ROBO2: variants seen among roughly 807,000 people sequenced by gnomAD.
ROBO2 encodes the protein roundabout guidance receptor 2, also known as roundabout homolog 2.
A neutral mutation model predicts 160.8 loss-of-function variants in ROBO2; 53 were observed. The ratio of observed to expected loss-of-function variants is 0.33; its 90% CI spans 0.26 to 0.41. The LOEUF (loss-of-function observed/expected upper bound fraction) is 0.41. Among genes scored for constraint, ROBO2 ranks in the 10% least tolerant of loss-of-function variants. The probability of loss-of-function intolerance (pLI) is 1.00; values close to 1 mark genes in which losing one functional copy is unlikely to be tolerated. For missense variants in ROBO2, 1,577 were observed against 1,722.4 expected (o/e 0.92, Z 1.49); for synonymous variants, 664 against 611.7 (o/e 1.09, Z -1.26).
chr3:77,071,359 A>G (rs777511562), intron 1 of ROBO2, among the ~76,000 whole-genome samples: 14 of 152,236 alleles, frequency 9.2e-5, no homozygotes, highest in Non-Finnish European at 1.9e-4. Flanking sequence ...GCATTAAATT[A>G]AAATGAAACC....
intron 2 of ROBO2, among the ~76,000 whole-genome samples, chr3:76,442,910 T>C (rs2076991711): frequency 6.6e-6 from 1 of 152,208 alleles, no homozygotes; most frequent in African/African-American, 2.4e-5. Flanking sequence ...TTCAGCTTTT[T>C]CATAGGTAAA....
At chr3:77,210,627 G>A (rs2084009099) in intron 2 of ROBO2, among the ~76,000 whole-genome samples, 1 of 152,068 alleles carries the variant, frequency 6.6e-6, no homozygotes, top group Admixed American at 6.5e-5. Context: ...TAGGGTACAT[G>A]TGCACAACGT....
intron 2 of ROBO2, among the ~76,000 whole-genome samples, chr3:76,326,518 T>C (rs2073035370): frequency 1.3e-5 from 2 of 151,192 alleles, no homozygotes; most frequent in Non-Finnish European, 2.9e-5. Flanking sequence ...CATACATATA[T>C]GTATATTACA....
In ROBO2 at chr3:77,032,755, C is replaced by T. The variant is rs560427915; in HGVS notation, c.110-65259C>T. Among the ~76,000 whole-genome samples, 7 of 152,222 alleles carry T rather than the reference C, an allele frequency of 4.6e-5. No homozygotes were observed. In the East Asian group the frequency reaches 9.7e-4, roughly 21 times the overall value. On this transcript the variant is annotated intron_variant, in intron 2 of 26. Transcript: ENST00000487694. ...CATCCTGAAATTCATGCATTTTATC[C>T]GATGGCTCAGTGTTTTCTATTTGGC...
In ROBO2 at chr3:77,132,386, G is replaced by T. The variant is rs898549031; in HGVS notation, c.388+34046G>T. The stretch of plus-strand genomic sequence containing the variant: ...TTCCAACTCTCTCTGATTAATATGG[G>T]TTTTTTTTGGTGTAATATGTCAATT... On this transcript the variant is annotated intron_variant, in intron 2 of 25. Coordinates refer to ENST00000461745, the Ensembl canonical transcript of ROBO2. Among the ~76,000 whole-genome samples, 229 of 151,304 alleles carry T rather than the reference G, an allele frequency of 1.5e-3. 1 individual carries two copies. Among genetic ancestry groups the T allele is most frequent in the Non-Finnish European group, 2.2e-3 (146 of 67,696 alleles).
At chr3:76,297,194 G>A (rs1576305866) in intron 2 of ROBO2, among the ~76,000 whole-genome samples, 1 of 152,172 alleles carries the variant, frequency 6.6e-6, no homozygotes, top group South Asian at 2.1e-4. Flanking sequence ...AATGCAGACA[G>A]CTCTCCTTTT....
intron 2 of ROBO2, among the ~76,000 whole-genome samples, chr3:77,313,222 G>A (rs2063697898): frequency 6.6e-6 from 1 of 152,146 alleles, no homozygotes; most frequent in Middle Eastern, 3.4e-3. Context: ...AAGTTCAGTG[G>A]TTTTTCCATT....
At position 77,527,347 on chromosome 3, in the gene ROBO2, T is replaced by A. The variant is rs565511750; in HGVS notation, c.934+4445T>A. On this transcript the variant is annotated intron_variant, in intron 6 of 25. Transcript: ENST00000461745. ...ACATCATGCATTCTGATAATTTTTC[T>A]TTCTTTTTTTTAATTTCTTTTTTAT... 9.5e-6 allele frequency: 12 copies of A among 1,261,146 alleles called. No individual in the cohort carries two copies. The East Asian group carries it at 6.2e-4, about 65-fold the overall frequency. The allele number at this position is 1,261,146 out of a possible 1,614,324, so 78.1% of individuals were successfully genotyped here. A position where few individuals can be genotyped will look rare whatever the true frequency, so the allele number is the denominator to read the frequency against.
intron 1 of ROBO2, among the ~76,000 whole-genome samples, chr3:77,093,609 G>C (rs1010701111): frequency 6.6e-6 from 1 of 151,760 alleles, no homozygotes; most frequent in Non-Finnish European, 1.5e-5. Flanking sequence ...AAAGACTTAT[G>C]CATTGGGTCC....
chr3:76,888,948 T>C (rs1449656074), intron 2 of ROBO2, among the ~76,000 whole-genome samples: 1 of 152,248 alleles, frequency 6.6e-6, no homozygotes, highest in Non-Finnish European at 1.5e-5. Flanking sequence ...CTGGAGCTTG[T>C]AATCTCTCTC....
At chr3:77,631,425 T>A (rs570082517) in intron 23 of ROBO2, 2 of 152,312 alleles carry the variant, frequency 1.3e-5, no homozygotes, top group East Asian at 3.9e-4. Context: ...TATGTAAATA[T>A]GTATTTGGTT....
chr3:76,971,161 ATATGT>A (rs757731806), intron 2 of ROBO2, among the ~76,000 whole-genome samples: 6 of 152,314 alleles, frequency 3.9e-5, no homozygotes, highest in Non-Finnish European at 8.8e-5. Context: ...CATTTGAGAA[ATATGT>A]TATAAAGAAC....
chr3:76,930,406 G>A (rs148922752), intron 2 of ROBO2, among the ~76,000 whole-genome samples: 1 of 152,112 alleles, frequency 6.6e-6, no homozygotes, highest in Non-Finnish European at 1.5e-5. Flanking sequence ...TCACCTGACT[G>A]TGCTATAGAA....
chr3:76,855,377 G>A (rs897477759), intron 2 of ROBO2, among the ~76,000 whole-genome samples: 2 of 152,178 alleles, frequency 1.3e-5, no homozygotes, highest in Admixed American at 1.3e-4. Flanking sequence ...ACCACAACGA[G>A]GTGATAGATG....
At chr3:76,259,778 C>T (rs2107588794) in intron 2 of ROBO2, among the ~76,000 whole-genome samples, 1 of 152,202 alleles carries the variant, frequency 6.6e-6, no homozygotes, top group Non-Finnish European at 1.5e-5. Context: ...CCCATGTTCA[C>T]ACCTCCTCCC....
intron 2 of ROBO2, among the ~76,000 whole-genome samples, chr3:76,707,760 T>TATATATATATATATATAA (rs1491556017): frequency 1.5e-5 from 2 of 134,378 alleles, no homozygotes; most frequent in African/African-American, 5.7e-5. Flanking sequence ...TATATATATA[T>TATATATATATATATATAA]AAATCTTAAA....
intron 2 of ROBO2, among the ~76,000 whole-genome samples, chr3:76,094,281 C>T (rs1368600356): frequency 2.0e-5 from 3 of 152,192 alleles, no homozygotes; most frequent in South Asian, 2.1e-4. Flanking sequence ...CAGATGGATG[C>T]GGCAAAGCGC....
intron 2 of ROBO2, among the ~76,000 whole-genome samples, chr3:77,369,485 A>G (rs2071430196): frequency 3.3e-5 from 5 of 152,158 alleles, no homozygotes; most frequent in South Asian, 4.1e-4. Flanking sequence ...ATGTTGAGTG[A>G]TGCTAGCAGG....
intron 2 of ROBO2, among the ~76,000 whole-genome samples, chr3:76,821,506 T>C (rs921861478): frequency 6.6e-6 from 1 of 152,042 alleles, no homozygotes; most frequent in Non-Finnish European, 1.5e-5. Flanking sequence ...GCATTGGCCC[T>C]TTTTAACTGA....
Sources: gnomAD v4.1 joint callset for allele counts (sites outside exome capture counted in the v4.1 genomes callset) on GRCh38, gnomAD v4.1.1 for gene constraint, MANE v1.5 for transcripts, NCBI Gene and HGNC (gene_info 2026-07-23, HGNC 2026-07-21) for gene names.